The following KCNQ1 variants were observed in gnomAD, a reference collection of about 807,000 sequenced individuals.
KCNQ1 encodes potassium voltage-gated channel subfamily Q member 1.
Under a neutral mutation model 72.4 loss-of-function variants are expected in KCNQ1, and 49 were observed. The observed-to-expected ratio is 0.68, with a 90% CI of 0.54 to 0.86. The LOEUF (loss-of-function observed/expected upper bound fraction) is 0.86, where lower values mean the gene tolerates loss of function less well. Among genes scored for constraint, KCNQ1 ranks in the 40% least tolerant of loss-of-function variants. KCNQ1 has a pLI of 0.00. For synonymous variants in KCNQ1, 450 were observed against 412.6 expected (o/e 1.09, Z -1.10); for missense variants, 790 against 945.1 (o/e 0.84, Z 2.15).
chr11:2,598,922 C>T lies in KCNQ1; in HGVS notation c.1393+10068C>T, dbSNP rs944731374. Among the ~76,000 whole-genome samples the T allele has an allele frequency of 5.3e-5, 8 of 152,250 alleles. No homozygotes were observed. The highest frequency in any genetic ancestry group is 1.9e-4 in the African/African-American group (8 of 41,460). On this transcript the variant is annotated intron_variant, in intron 10 of 15. Coordinates refer to ENST00000155840, the MANE Select transcript of KCNQ1 (RefSeq NM_000218.3). The surrounding 1 kb of genome is among the most constrained non-coding windows in gnomAD (Gnocchi z 6.2). ...GTGCTCACCCAGGACCCATATGCAG[C>T]AAACAGTCTTGTGTCTCTGTCTGCT... is the stretch of plus-strand genomic sequence containing the variant.
In KCNQ1 at chr11:2,848,268, T is replaced by C; in HGVS notation, c.*265T>C. The C allele has an allele frequency of 1.6e-6, 1 of 642,828 alleles. No homozygotes were observed. Among genetic ancestry groups the C allele is most frequent in the South Asian group, 1.6e-5 (1 of 61,346 alleles). The allele number at this position is 642,828 out of a possible 1,614,324, so 39.8% of individuals were successfully genotyped here. A position where few individuals can be genotyped will look rare whatever the true frequency, so the allele number is the denominator to read the frequency against. ...CGCCCTGGCCCCCACATGGTGATGTTGACATCACTGGCATGGTGGTTGGGA... is the reference window on the plus strand; with the variant it reads ...CGCCCTGGCCCCCACATGGTGATGTCGACATCACTGGCATGGTGGTTGGGA... On this transcript the variant is annotated 3_prime_UTR_variant, in exon 16 of 16. Coordinates refer to ENST00000155840, the MANE Select transcript of KCNQ1 (RefSeq NM_000218.3).
chr11:2,736,905 C>T (rs188145457), intron 11 of KCNQ1, among the ~76,000 whole-genome samples: 1 of 152,310 alleles, frequency 6.6e-6, no homozygotes, highest in Non-Finnish European at 1.5e-5. Flanking sequence ...AGAGCCTGGG[C>T]CTGCCTCGGG....
At position 2,515,169 on chromosome 11, in the gene KCNQ1, C is replaced by G. The variant is rs1382163680; in HGVS notation, c.387-12759C>G. On this transcript the variant is annotated intron_variant, in intron 1 of 15. Coordinates refer to ENST00000155840, the MANE Select transcript of KCNQ1 (RefSeq NM_000218.3). This position sits in a 1 kb window ranked among gnomAD's most constrained non-coding sequence, Gnocchi z 4.7. Reference sequence around the variant, plus strand: ...AATAGGTAATTTTTCAACCCTCCCCCTCTCACCCTCTCCACCTCCCCTTTG... The same window carrying G: ...AATAGGTAATTTTTCAACCCTCCCCGTCTCACCCTCTCCACCTCCCCTTTG... Among the ~76,000 whole-genome samples, 1 of 152,188 alleles carries G rather than the reference C, an allele frequency of 6.6e-6. No homozygotes were observed. Among genetic ancestry groups the G allele is most frequent in the Non-Finnish European group, 1.5e-5 (1 of 68,030 alleles).
rs536766478 is a variant in KCNQ1, at chr11:2,642,456, A to C, written c.1394-19505A>C. ...CCTGATTTTTAAATCCTGTAACTGTAATCAATTTATTGATCAGACTGAAGA... is the reference window on the plus strand; with the variant it reads ...CCTGATTTTTAAATCCTGTAACTGTCATCAATTTATTGATCAGACTGAAGA... On this transcript the variant is annotated intron_variant, in intron 10 of 15. Transcript: ENST00000155840. This position sits in a 1 kb window ranked among gnomAD's most constrained non-coding sequence, Gnocchi z 4.3. The C allele has an allele frequency of 2.5e-6, 1 of 398,034 alleles. No homozygotes were observed. Among genetic ancestry groups the C allele is most frequent in the Non-Finnish European group, 4.4e-6 (1 of 225,728 alleles). 24.7% of individuals were successfully genotyped at this position (398,034 alleles called of 1,614,324 possible). A position where few individuals can be genotyped will look rare whatever the true frequency, so the allele number is the denominator to read the frequency against.
rs1402213613 is a variant in KCNQ1 at position 2,657,075 on chromosome 11, G to A, written c.1394-4886G>A. 2.5e-6 allele frequency: 1 copy of A among 398,452 alleles called. No individual in the cohort carries two copies. Among genetic ancestry groups the A allele is most frequent in the African/African-American group, 2.1e-5 (1 of 48,618 alleles). 24.7% of individuals were successfully genotyped at this position (398,452 alleles called of 1,614,324 possible). A position where few individuals can be genotyped will look rare whatever the true frequency, so the allele number is the denominator to read the frequency against. On this transcript the variant is annotated intron_variant, in intron 10 of 15. Coordinates refer to ENST00000155840, the MANE Select transcript of KCNQ1 (RefSeq NM_000218.3). This position sits in a 1 kb window ranked among gnomAD's most constrained non-coding sequence, Gnocchi z 4.8. ...CCCAATGCTCAATCCTGTCCCATTGGCCTATTTGTCTCTCCCTGTGTCAAT... is the reference window on the plus strand; with the variant it reads ...CCCAATGCTCAATCCTGTCCCATTGACCTATTTGTCTCTCCCTGTGTCAAT...
At chr11:2,521,499 G>C (rs1177166393) in intron 1 of KCNQ1, 1 of 470,310 alleles carries the variant, frequency 2.1e-6, no homozygotes, top group Non-Finnish European at 4.4e-6. Flanking sequence ...TTAAGCATAC[G>C]GTCACGAGAG....
chr11:2,731,727 C>T (rs1845861770), intron 11 of KCNQ1, among the ~76,000 whole-genome samples: 1 of 152,230 alleles, frequency 6.6e-6, no homozygotes, highest in Non-Finnish European at 1.5e-5. Flanking sequence ...GAGGGGAGGG[C>T]TGGTCCAGAG....
At chr11:2,533,974 G>A (rs1270284448) in intron 2 of KCNQ1, among the ~76,000 whole-genome samples, 1 of 152,204 alleles carries the variant, frequency 6.6e-6, no homozygotes, top group African/African-American at 2.4e-5. Context: ...TGAGGTCATC[G>A]CTGCGGCTTC....
chr11:2,667,772 A>G (rs1349748829), intron 11 of KCNQ1: 10 of 398,578 alleles, frequency 2.5e-5, no homozygotes, highest in Non-Finnish European at 4.0e-5. Flanking sequence ...CCTGAAGGCC[A>G]GGGCTATCCA....
At chr11:2,503,417 T>C (rs1249509264) in intron 1 of KCNQ1, among the ~76,000 whole-genome samples, 1 of 152,050 alleles carries the variant, frequency 6.6e-6, no homozygotes, top group Non-Finnish European at 1.5e-5. Flanking sequence ...GAAACCATCA[T>C]TCTCAGCAAA....
Position 2,494,063 on chromosome 11 carries a change from A to ATCCC in KCNQ1, c.387-33863_387-33860dup, listed in dbSNP as rs1309249666. On this transcript the variant is annotated intron_variant, in intron 1 of 15. Transcript: ENST00000155840. This position sits in a 1 kb window ranked among gnomAD's most constrained non-coding sequence, Gnocchi z 4.6. ...TGTTCTCCTTGAAGAGGTCCTTCACATCCCTTGTAAGTTGTATTCCTAGGT... is the reference window on the plus strand; with the variant it reads ...TGTTCTCCTTGAAGAGGTCCTTCACATCCCTCCCTTGTAAGTTGTATTCCTAGGT... Among the ~76,000 whole-genome samples the ATCCC allele has an allele frequency of 1.3e-5, 2 of 152,032 alleles. No homozygotes were observed. Among genetic ancestry groups the ATCCC allele is most frequent in the African/African-American group, 4.8e-5 (2 of 41,372 alleles).
intron 6 of KCNQ1, 81 bp downstream of exon 6, chr11:2,573,067 G>A: frequency 6.6e-7 from 1 of 1,515,100 alleles, no homozygotes; most frequent in Non-Finnish European, 8.9e-7. Context: ...CTGGTGTCTT[G>A]AGACTTCGGG....
At position 2,759,301 on chromosome 11, in the gene KCNQ1, C is replaced by T. The variant is rs180997479; in HGVS notation, c.1515-9543C>T. 1.6e-4 allele frequency among the ~76,000 whole-genome samples: 25 copies of T among 152,248 alleles called. No individual in the cohort carries two copies. Among genetic ancestry groups the T allele is most frequent in the African/African-American group, 4.1e-4 (17 of 41,552 alleles). On this transcript the variant is annotated intron_variant, in intron 11 of 15. Transcript: ENST00000155840. This position sits in a 1 kb window ranked among gnomAD's most constrained non-coding sequence, Gnocchi z 4.4. ...CGAGGTGGCTGCTAGGGGGATGTGA[C>T]GTAGAGTGACTTCAGTTTCCCTCTT...
At chr11:2,531,959 A>T (rs1258083571) in intron 2 of KCNQ1, among the ~76,000 whole-genome samples, 1 of 151,872 alleles carries the variant, frequency 6.6e-6, no homozygotes. Flanking sequence ...CTGTAACACT[A>T]CCCACCCCAC....
Position 2,579,196 on chromosome 11 carries a change from C to T in KCNQ1, c.922-4239C>T, listed in dbSNP as rs1564823075. On this transcript the variant is annotated intron_variant, in intron 6 of 15. Transcript: ENST00000155840. The surrounding 1 kb of genome is among the most constrained non-coding windows in gnomAD (Gnocchi z 6.0). ...CCTCTGTCCTCCCCTCGAGGCCAGC[C>T]TTGAGGAGGCTACTTCTGAAAGGAG... 6.6e-6 allele frequency among the ~76,000 whole-genome samples: 1 copy of T among 152,188 alleles called. No individual in the cohort carries two copies. Among genetic ancestry groups the T allele is most frequent in the Non-Finnish European group, 1.5e-5 (1 of 68,026 alleles).
intron 1 of KCNQ1, among the ~76,000 whole-genome samples, chr11:2,470,361 G>T (rs937204520): frequency 1.3e-5 from 2 of 152,136 alleles, no homozygotes; most frequent in African/African-American, 4.8e-5. Context: ...TGAGACAAAT[G>T]ATTATATACT....
Position 2,778,024 on chromosome 11 carries a change from G to C in KCNQ1, c.1781G>C (p.Arg594Pro), listed in dbSNP as rs199472815. 8 of 1,613,760 alleles carry C rather than the reference G, an allele frequency of 5.0e-6. No individual in the cohort carries two copies. Among genetic ancestry groups the C allele is most frequent in the Non-Finnish European group, 5.9e-6 (7 of 1,180,018 alleles). ...AACACGATCGGCGCCCGCCTGAACC[G>C]AGTAGAAGACAAGGTAGGCTCACGC... ...GSNTIGARLN[R>P]VEDKVTQLDQ... The change falls in exon 15 of 16, where the codon CGA becomes CCA. Residue 594 changes from arginine to proline, a missense_variant. Transcript: ENST00000155840.
intron 11 of KCNQ1, among the ~76,000 whole-genome samples, chr11:2,742,441 C>A (rs1225806429): frequency 6.6e-6 from 1 of 152,246 alleles, no homozygotes; most frequent in East Asian, 1.9e-4. Context: ...AGCAGTGGGG[C>A]CTTCATGCCT....
chr11:2,690,613 G>A lies in KCNQ1; in HGVS notation c.1514+28532G>A. 1 of 398,676 alleles carries A rather than the reference G, an allele frequency of 2.5e-6. No homozygotes were observed. The highest frequency in any genetic ancestry group is 4.4e-6 in the Non-Finnish European group (1 of 226,082). The allele number at this position is 398,676 out of a possible 1,614,324, so 24.7% of individuals were successfully genotyped here. A position where few individuals can be genotyped will look rare whatever the true frequency, so the allele number is the denominator to read the frequency against. On this transcript the variant is annotated intron_variant, in intron 11 of 15. Transcript: ENST00000155840. This position sits in a 1 kb window ranked among gnomAD's most constrained non-coding sequence, Gnocchi z 5.1. ...GGCAGGGAGTGGGGCACACATATGT[G>A]CATGTTCATATATGTGTCAGAATGC...
Sources: gnomAD v4.1 joint callset for allele counts (sites outside exome capture counted in the v4.1 genomes callset) on GRCh38, gnomAD v4.1.1 for gene constraint, Gnocchi (gnomAD v3.1) non-coding constraint, MANE v1.5 for transcripts, NCBI Gene and HGNC (gene_info 2026-07-23, HGNC 2026-07-21) for gene names.